SLC6A11: variants seen among roughly 807,000 people sequenced by gnomAD.
SLC6A11 encodes the protein sodium- and chloride-dependent GABA transporter 3.
Under a neutral mutation model 74.8 loss-of-function variants are expected in SLC6A11, and 25 were observed. The ratio of observed to expected loss-of-function variants is 0.33; its 90% CI spans 0.24 to 0.47. The LOEUF (loss-of-function observed/expected upper bound fraction) is 0.47. Among genes scored for constraint, SLC6A11 ranks in the 20% least tolerant of loss-of-function variants. The pLI, the probability that SLC6A11 is intolerant of heterozygous loss-of-function variation, is 1.00. For synonymous variants in SLC6A11, 330 were observed against 330.2 expected, an observed-to-expected ratio of 1.00 and a Z score of 0.01; for missense variants, 574 against 837.0, an observed-to-expected ratio of 0.69 and a Z score of 3.88.
chr3:10,933,379 C>A (rs1303883445), intron 11 of SLC6A11, 126 bp downstream of exon 11: 2 of 683,846 alleles, frequency 2.9e-6, no homozygotes, highest in Non-Finnish European at 5.2e-6. Flanking sequence ...TCTTCTTACT[C>A]TTCAGGGATT....
chr3:10,834,304 T>C (rs1017061895), intron 4 of SLC6A11, among the ~76,000 whole-genome samples: 1 of 152,054 alleles, frequency 6.6e-6, no homozygotes, highest in Non-Finnish European at 1.5e-5. Context: ...GCTGCCTCTC[T>C]GCAGCCCTGT....
intron 4 of SLC6A11, among the ~76,000 whole-genome samples, chr3:10,826,857 A>G (rs1397198822): frequency 6.6e-6 from 1 of 152,254 alleles, no homozygotes. Context: ...CACCAAGGGC[A>G]GGCAAGGGCA....
At chr3:10,901,768 G>A (rs1247755230) in intron 6 of SLC6A11, among the ~76,000 whole-genome samples, 1 of 152,186 alleles carries the variant, frequency 6.6e-6, no homozygotes, top group Non-Finnish European at 1.5e-5. Context: ...ATCAGCTTCT[G>A]TATGTGGCAT....
rs553025997 is a variant in SLC6A11 at position 10,900,061 on chromosome 3, A to C, written c.892-12029A>C. Among the ~76,000 whole-genome samples, 306 of 152,314 alleles carry C rather than the reference A, an allele frequency of 2.0e-3. 3 individuals are homozygous for C. The highest frequency in any genetic ancestry group is 6.5e-3 in the African/African-American group (269 of 41,552). ...TTGATGAGTAATGTCTGCCCTGGGC[A>C]GAAATGGGGGTTGGATGTGCATGTC... is the stretch of plus-strand genomic sequence containing the variant. On this transcript the variant is annotated intron_variant, in intron 6 of 13. Transcript: ENST00000254488.
chr3:10,822,470 G>A (rs544633502), intron 3 of SLC6A11, among the ~76,000 whole-genome samples: 121 of 152,316 alleles, frequency 7.9e-4, no homozygotes, highest in South Asian at 4.1e-3. Context: ...AGGAGGAAGA[G>A]GGTATAGGTG....
intron 6 of SLC6A11, among the ~76,000 whole-genome samples, chr3:10,880,289 A>C (rs1694959637): frequency 6.6e-6 from 1 of 152,196 alleles, no homozygotes; most frequent in Admixed American, 6.5e-5. Context: ...TTGTTTTCTG[A>C]AAATGATCCT....
At chr3:10,848,007 T>C (rs1694525998) in intron 5 of SLC6A11, among the ~76,000 whole-genome samples, 1 of 152,204 alleles carries the variant, frequency 6.6e-6, no homozygotes, top group Non-Finnish European at 1.5e-5. Flanking sequence ...GTGTTCCCTC[T>C]TCATCTCTTC....
chr3:10,893,852 T>C (rs1695138456), intron 6 of SLC6A11, among the ~76,000 whole-genome samples: 1 of 152,234 alleles, frequency 6.6e-6, no homozygotes, highest in Admixed American at 6.5e-5. Context: ...CAAAGTAAGT[T>C]GTAGACATCA....
intron 4 of SLC6A11, among the ~76,000 whole-genome samples, 153 bp from the exon 5 acceptor site, chr3:10,844,061 T>C (rs1694471699): frequency 6.6e-6 from 1 of 152,198 alleles, no homozygotes; most frequent in Non-Finnish European, 1.5e-5. Flanking sequence ...TTGTTCCTCT[T>C]GGAGGCCCCA....
At chr3:10,916,188 A>G (rs1432725671) in intron 7 of SLC6A11, among the ~76,000 whole-genome samples, 1 of 152,240 alleles carries the variant, frequency 6.6e-6, no homozygotes, top group Non-Finnish European at 1.5e-5. Context: ...CTTAGGAATA[A>G]CTAACTCTGC....
chr3:10,925,085 A>G (rs1695585646), intron 8 of SLC6A11, among the ~76,000 whole-genome samples: 1 of 152,234 alleles, frequency 6.6e-6, no homozygotes, highest in Non-Finnish European at 1.5e-5. Context: ...AGGGGCCTCA[A>G]GGGGCCAATG....
rs751203915 is a variant in SLC6A11, at chr3:10,934,056, T to C, written c.1475-10T>C. The C allele has an allele frequency of 6.9e-6, 11 of 1,602,928 alleles. No homozygotes were observed. The Admixed American group carries it at 1.8e-4, about 27-fold the overall frequency. ...GGTGTGTATGTTCCCCTCTGATTTA[T>C]TCCGGACAGGAAGCAACCGGTTCTA... On this transcript the variant is annotated splice_polypyrimidine_tract_variant and intron_variant, in intron 11 of 13. Transcript: ENST00000254488.
intron 6 of SLC6A11, among the ~76,000 whole-genome samples, chr3:10,878,058 G>C (rs367545770): frequency 1.3e-5 from 2 of 152,128 alleles, no homozygotes; most frequent in Non-Finnish European, 2.9e-5. Flanking sequence ...ATGGCTCCTT[G>C]ACCATCTAGG....
intron 5 of SLC6A11, among the ~76,000 whole-genome samples, chr3:10,852,784 A>G (rs1468456574): frequency 1.3e-5 from 2 of 152,262 alleles, no homozygotes; most frequent in Non-Finnish European, 2.9e-5. Flanking sequence ...AGGATGAGGC[A>G]CAGTGCTTTG....
intron 4 of SLC6A11, among the ~76,000 whole-genome samples, chr3:10,828,956 T>C (rs978851571): frequency 6.6e-6 from 1 of 152,238 alleles, no homozygotes; most frequent in Non-Finnish European, 1.5e-5. Context: ...TAAATATTTG[T>C]TGAAATGAGT....
intron 4 of SLC6A11, among the ~76,000 whole-genome samples, chr3:10,831,419 TAAA>T (rs1694295435): frequency 6.6e-6 from 1 of 152,066 alleles, no homozygotes; most frequent in Admixed American, 6.5e-5. Flanking sequence ...ATACAACTGC[TAAA>T]AAAGAATGAG....
intron 10 of SLC6A11, among the ~76,000 whole-genome samples, chr3:10,932,560 G>A (rs1695702984): frequency 6.6e-6 from 1 of 152,192 alleles, no homozygotes; most frequent in Non-Finnish European, 1.5e-5. Context: ...GAGCTTTGAA[G>A]GAGCTTACCA....
At chr3:10,904,200 T>G (rs1446606423) in intron 6 of SLC6A11, among the ~76,000 whole-genome samples, 3 of 152,200 alleles carry the variant, frequency 2.0e-5, no homozygotes, top group Non-Finnish European at 4.4e-5. Flanking sequence ...TGTCCATCCA[T>G]CCTTTCTTGC....
chr3:10,880,460 G>A (rs764878073), intron 6 of SLC6A11, among the ~76,000 whole-genome samples: 8 of 152,164 alleles, frequency 5.3e-5, no homozygotes, highest in Non-Finnish European at 1.2e-4. Flanking sequence ...CAGGCCTCTT[G>A]CAGCTATGAG....
Sources: gnomAD v4.1 joint callset for allele counts (sites outside exome capture counted in the v4.1 genomes callset) on GRCh38, gnomAD v4.1.1 for gene constraint, MANE v1.5 for transcripts, NCBI Gene and HGNC (gene_info 2026-07-23, HGNC 2026-07-21) for gene names.